Variants in RSRC1 observed in about 807,000 individuals in gnomAD.
RSRC1 encodes serine/Arginine-related protein 53.
Under a neutral mutation model 49.1 loss-of-function variants are expected in RSRC1, and 39 were observed. The ratio of observed to expected loss-of-function variants is 0.79; its 90% CI spans 0.61 to 1.04. The LOEUF is 1.04. Among genes scored for constraint, RSRC1 ranks in the 50% least tolerant of loss-of-function variants. RSRC1 has a pLI of 0.00. For synonymous variants in RSRC1, 143 were observed against 130.8 expected, an observed-to-expected ratio of 1.09 and a Z score of -0.63; for missense variants, 388 against 402.4, an observed-to-expected ratio of 0.96 and a Z score of 0.31.
At chr3:158,116,328 A>G (rs1332421689) in intron 1 of RSRC1, among the ~76,000 whole-genome samples, 2 of 152,210 alleles carry the variant, frequency 1.3e-5, no homozygotes, top group African/African-American at 4.8e-5. Context: ...ATAATGTTTC[A>G]TAATAAAAGC....
chr3:158,425,521 A>T (rs2108347000), intron 6 of RSRC1, among the ~76,000 whole-genome samples: 2 of 152,160 alleles, frequency 1.3e-5, no homozygotes, highest in African/African-American at 4.8e-5. Flanking sequence ...ATTTTGGAAT[A>T]GTAGATGTGG....
intron 3 of RSRC1, among the ~76,000 whole-genome samples, chr3:158,165,488 A>G (rs1159566559): frequency 6.6e-6 from 1 of 152,226 alleles, no homozygotes; most frequent in Non-Finnish European, 1.5e-5. Flanking sequence ...TTTAAGGTTC[A>G]TTTAACTATC....
intron 4 of RSRC1, among the ~76,000 whole-genome samples, chr3:158,238,458 T>A (rs1316202454): frequency 6.6e-6 from 1 of 152,164 alleles, no homozygotes; most frequent in African/African-American, 2.4e-5. Flanking sequence ...GCTACCTGAC[T>A]TCAAACTATA....
At chr3:158,316,817 A>G (rs1268250464) in intron 5 of RSRC1, among the ~76,000 whole-genome samples, 1 of 152,210 alleles carries the variant, frequency 6.6e-6, no homozygotes, top group Non-Finnish European at 1.5e-5. Flanking sequence ...GCATTGACAT[A>G]TAAGCCCAGT....
At chr3:158,274,809 G>C (rs1377672471) in intron 4 of RSRC1, among the ~76,000 whole-genome samples, 2 of 152,126 alleles carry the variant, frequency 1.3e-5, no homozygotes, top group Non-Finnish European at 2.9e-5. Flanking sequence ...AGTTTGGCCA[G>C]GAACAAGAGA....
intron 7 of RSRC1, among the ~76,000 whole-genome samples, chr3:158,528,191 T>A (rs973691403): frequency 2.0e-5 from 3 of 151,966 alleles, no homozygotes; most frequent in African/African-American, 7.2e-5. Context: ...GTTTGGATTT[T>A]ACAAGGCCAG....
In RSRC1 at chr3:158,197,878, CCTTTA is replaced by C. The variant is rs559503256; in HGVS notation, c.321-5192_321-5188del. Among the ~76,000 whole-genome samples, 534 of 152,190 alleles carry C rather than the reference CCTTTA, an allele frequency of 3.5e-3. 2 individuals are homozygous for C. Among genetic ancestry groups the C allele is most frequent in the African/African-American group, 0.012 (498 of 41,534 alleles). ...GAGACAGTTTGTTATAATTTCTGTTCCTTTACATTTGCTGAGGAGAGCTTTATTCC... is the reference window on the plus strand; with the variant it reads ...GAGACAGTTTGTTATAATTTCTGTTCCATTTGCTGAGGAGAGCTTTATTCC... On this transcript the variant is annotated intron_variant, in intron 3 of 9. Coordinates refer to ENST00000611884, the MANE Select transcript of RSRC1 (RefSeq NM_001271838.2).
At chr3:158,296,532 T>A (rs1222950758) in intron 4 of RSRC1, among the ~76,000 whole-genome samples, 1 of 152,074 alleles carries the variant, frequency 6.6e-6, no homozygotes, top group Non-Finnish European at 1.5e-5. Context: ...AATTTTAAGT[T>A]ATACAAATAA....
intron 6 of RSRC1, among the ~76,000 whole-genome samples, chr3:158,432,220 T>A (rs868621398): frequency 6.6e-6 from 1 of 151,938 alleles, no homozygotes; most frequent in African/African-American, 2.4e-5. Flanking sequence ...GAAGAAAAAA[T>A]TAACTTTGAA....
intron 3 of RSRC1, among the ~76,000 whole-genome samples, chr3:158,144,469 A>C (rs962155408): frequency 1.3e-5 from 2 of 152,072 alleles, no homozygotes; most frequent in African/African-American, 4.8e-5. Context: ...TGAACTCATC[A>C]TTTTTTACGG....
intron 6 of RSRC1, among the ~76,000 whole-genome samples, chr3:158,390,619 C>T (rs1043881309): frequency 2.0e-5 from 3 of 151,786 alleles, no homozygotes; most frequent in Non-Finnish European, 4.4e-5. Flanking sequence ...TTATAATAAT[C>T]GTAATATAAA....
intron 3 of RSRC1, among the ~76,000 whole-genome samples, chr3:158,148,227 G>A (rs1040196894): frequency 2.0e-5 from 3 of 152,150 alleles, no homozygotes; most frequent in African/African-American, 7.2e-5. Flanking sequence ...TTTGGTGCAT[G>A]TAAGACTATT....
rs182293686 is a variant in RSRC1, at chr3:158,268,985, C to T, written c.495-29054C>T. 6.8e-4 allele frequency among the ~76,000 whole-genome samples: 104 copies of T among 152,226 alleles called. 1 individual carries two copies. The highest frequency in any genetic ancestry group is 1.2e-3 in the Non-Finnish European group (82 of 68,002). ...ATACATAATTATATGAGACTGTCAT[C>T]TCCCCATAACCAGATTGAAAAAGGT... is the stretch of plus-strand genomic sequence containing the variant. On this transcript the variant is annotated intron_variant, in intron 4 of 9. Transcript: ENST00000611884.
intron 3 of RSRC1, among the ~76,000 whole-genome samples, chr3:158,133,983 G>A (rs1475691484): frequency 1.3e-5 from 2 of 152,162 alleles, no homozygotes; most frequent in African/African-American, 4.8e-5. Flanking sequence ...TGGACAGGAG[G>A]CAGTGATTGA....
At chr3:158,345,069 A>T (rs1560003157) in intron 5 of RSRC1, among the ~76,000 whole-genome samples, 1 of 152,016 alleles carries the variant, frequency 6.6e-6, no homozygotes, top group Non-Finnish European at 1.5e-5. Context: ...AAAATAAAAA[A>T]AAAAAAAATG....
chr3:158,482,496 A>C (rs765814230), intron 7 of RSRC1, among the ~76,000 whole-genome samples: 4 of 152,080 alleles, frequency 2.6e-5, no homozygotes, highest in Non-Finnish European at 5.9e-5. Flanking sequence ...AGTTTATCTT[A>C]GATCAAAACA....
At chr3:158,339,505 C>T (rs827185) in intron 5 of RSRC1, among the ~76,000 whole-genome samples, 11,242 of 151,990 alleles carry the variant, frequency 0.074, 570 homozygotes, top group Non-Finnish European at 0.094. Context: ...ATGTAGATTA[C>T]GTGGTTTATT....
intron 4 of RSRC1, among the ~76,000 whole-genome samples, chr3:158,219,464 A>G (rs1396412223): frequency 2.0e-5 from 3 of 151,616 alleles, no homozygotes; most frequent in African/African-American, 7.3e-5. Flanking sequence ...ATGTAATTAC[A>G]TTTATTAGTT....
chr3:158,414,421 A>G (rs1734631982), intron 6 of RSRC1, among the ~76,000 whole-genome samples: 1 of 151,988 alleles, frequency 6.6e-6, no homozygotes, highest in South Asian at 2.1e-4. Flanking sequence ...GAAGGAGAAC[A>G]TCAAGATAAT....
Sources: allele counts gnomAD v4.1 joint callset (sites outside exome capture counted in the v4.1 genomes callset), GRCh38; gene constraint gnomAD v4.1.1; transcripts MANE v1.5; gene names NCBI Gene and HGNC (gene_info 2026-07-23, HGNC 2026-07-21).